ZMAT3: variants seen among roughly 807,000 people sequenced by gnomAD.
ZMAT3 encodes the protein zinc finger matrin-type protein 3.
In ZMAT3, 17 loss-of-function variants were observed where a neutral mutation model predicts 32.3. That is an observed-to-expected ratio of 0.53 (90% CI 0.36 to 0.79). The LOEUF is 0.79. Among genes scored for constraint, ZMAT3 ranks in the 30% least tolerant of loss-of-function variants. The pLI, the probability that ZMAT3 is intolerant of heterozygous loss-of-function variation, is 0.00. For missense variants in ZMAT3, 329 were observed against 359.7 expected (o/e 0.91, Z 0.69); for synonymous variants, 120 against 133.1 (o/e 0.90, Z 0.68).
At position 179,021,009 on chromosome 3, in the gene ZMAT3, T is replaced by C. The variant is rs969390287; in HGVS notation, c.*4008A>G. 3 of 152,236 alleles carry C rather than the reference T, an allele frequency of 2.0e-5. No homozygotes were observed. Among genetic ancestry groups the C allele is most frequent in the African/African-American group, 7.2e-5 (3 of 41,464 alleles). 9.4% of individuals were successfully genotyped at this position (152,236 alleles called of 1,614,324 possible). A position where few individuals can be genotyped will look rare whatever the true frequency, so the allele number is the denominator to read the frequency against. ...TTAAGTCAGGGGAATGTAAGGATGA[T>C]GTCAAATAGCCACGATTCTTCTTTT... On this transcript the variant is annotated 3_prime_UTR_variant, in exon 6 of 6. Coordinates refer to ENST00000311417, the MANE Select transcript of ZMAT3 (RefSeq NM_022470.4).
At chr3:179,068,040 G>T (rs542716521) in intron 1 of ZMAT3, among the ~76,000 whole-genome samples, 1 of 152,150 alleles carries the variant, frequency 6.6e-6, no homozygotes, top group African/African-American at 2.4e-5. Flanking sequence ...ATTTTGCTTG[G>T]CACAGTTCCA....
At chr3:179,031,430 C>G (rs893143941) in intron 2 of ZMAT3, among the ~76,000 whole-genome samples, 1 of 151,794 alleles carries the variant, frequency 6.6e-6, no homozygotes, top group Non-Finnish European at 1.5e-5. Context: ...ACAATACTAA[C>G]TACATTTTAT....
chr3:179,045,689 G>C (rs1720195176), intron 2 of ZMAT3, among the ~76,000 whole-genome samples: 1 of 152,160 alleles, frequency 6.6e-6, no homozygotes, highest in Admixed American at 6.5e-5. Flanking sequence ...TAGGGGCATA[G>C]GATAGGGATA....
intron 2 of ZMAT3, among the ~76,000 whole-genome samples, chr3:179,031,799 C>T (rs773966868): frequency 6.6e-6 from 1 of 151,650 alleles, no homozygotes; most frequent in Non-Finnish European, 1.5e-5. Context: ...CCCAGCTACT[C>T]GGGAGGCTGA....
At chr3:179,025,902 A>G (rs1718841041) in intron 5 of ZMAT3, among the ~76,000 whole-genome samples, 1 of 152,128 alleles carries the variant, frequency 6.6e-6, no homozygotes, top group East Asian at 1.9e-4. Flanking sequence ...TGATCATTTC[A>G]TTTTCTTCTT....
At chr3:179,033,652 ACT>A (rs1183918767) in intron 2 of ZMAT3, among the ~76,000 whole-genome samples, 1 of 152,124 alleles carries the variant, frequency 6.6e-6, no homozygotes, top group African/African-American at 2.4e-5. Context: ...ATTTCATGAC[ACT>A]CTGATCTAAT....
intron 2 of ZMAT3, among the ~76,000 whole-genome samples, chr3:179,059,542 T>C (rs1721042347): frequency 6.6e-6 from 1 of 152,194 alleles, no homozygotes; most frequent in East Asian, 1.9e-4. Flanking sequence ...TCAATCCCTG[T>C]ATCTTTAACC....
rs145863563 is a variant in ZMAT3 at position 179,038,102 on chromosome 3, A to G, written c.271-7103T>C. 3.8e-3 allele frequency among the ~76,000 whole-genome samples: 579 copies of G among 152,334 alleles called. 10 individuals are homozygous for G. The East Asian group carries it at 0.055, about 14-fold the overall frequency. On this transcript the variant is annotated intron_variant, in intron 2 of 5. Transcript: ENST00000311417. The stretch of plus-strand genomic sequence containing the variant: ...ATACATGTCAGCTAAAAGCTGAAGC[A>G]TGAGATGGCTCCAGCCATGCAATGT...
At position 179,040,901 on chromosome 3, in the gene ZMAT3, C is replaced by CA. The variant is rs55945452; in HGVS notation, c.271-9903dup. Among the ~76,000 whole-genome samples the CA allele has an allele frequency of 2.5e-3, 333 of 131,582 alleles. 2 individuals are homozygous for CA. The highest frequency in any genetic ancestry group is 6.3e-3 in the African/African-American group (226 of 35,918). The allele number at this position is 131,582 out of a possible 152,430, so 86.3% of individuals were successfully genotyped here. ...GAAGATCTACCAAGCAAATGGAAAGCAAAAAAAAAAAAAAAGCAGGGGTAA... is the reference window on the plus strand; with the variant it reads ...GAAGATCTACCAAGCAAATGGAAAGCAAAAAAAAAAAAAAAAGCAGGGGTAA... On this transcript the variant is annotated intron_variant, in intron 2 of 5. Coordinates refer to ENST00000311417, the MANE Select transcript of ZMAT3 (RefSeq NM_022470.4).
At chr3:179,051,189 G>T (rs1720536814) in intron 2 of ZMAT3, among the ~76,000 whole-genome samples, 1 of 152,186 alleles carries the variant, frequency 6.6e-6, no homozygotes, top group African/African-American at 2.4e-5. Context: ...TAAAGAGGAA[G>T]TCAAACTGTC....
At chr3:179,055,586 G>A (rs1009100511) in intron 2 of ZMAT3, among the ~76,000 whole-genome samples, 1 of 150,858 alleles carries the variant, frequency 6.6e-6, no homozygotes, top group Non-Finnish European at 1.5e-5. Flanking sequence ...AATATTCCCC[G>A]ATTATGCCCC....
chr3:179,044,175 G>C (rs571572805), intron 2 of ZMAT3, among the ~76,000 whole-genome samples: 10 of 152,112 alleles, frequency 6.6e-5, no homozygotes, highest in African/African-American at 2.4e-4. Context: ...AATCCCTTAA[G>C]GATCTAGAAC....
rs1718494746 is a variant in ZMAT3, at chr3:179,020,588, A to G, written c.*4429T>C. On this transcript the variant is annotated 3_prime_UTR_variant, in exon 6 of 6. Coordinates refer to ENST00000311417, the MANE Select transcript of ZMAT3 (RefSeq NM_022470.4). ...AAACTTTTATCTGTCCTGACAAAACATGTCTCAATTTCTTTCTAAAGCAGC... is the reference window on the plus strand; with the variant it reads ...AAACTTTTATCTGTCCTGACAAAACGTGTCTCAATTTCTTTCTAAAGCAGC... 6.6e-6 allele frequency: 1 copy of G among 152,228 alleles called. No homozygotes were observed. The highest frequency in any genetic ancestry group is 2.4e-5 in the African/African-American group (1 of 41,464). The allele number at this position is 152,228 out of a possible 1,614,324, so 9.4% of individuals were successfully genotyped here.
intron 2 of ZMAT3, among the ~76,000 whole-genome samples, chr3:179,067,251 C>A (rs1201431485): frequency 6.6e-6 from 1 of 152,146 alleles, no homozygotes; most frequent in African/African-American, 2.4e-5. Context: ...GACTGGTAAG[C>A]TATCGCATGC....
intron 2 of ZMAT3, among the ~76,000 whole-genome samples, chr3:179,041,495 C>T (rs935528835): frequency 2.6e-5 from 4 of 152,056 alleles, no homozygotes; most frequent in East Asian, 1.9e-4. Context: ...GGGTAAATAA[C>T]GAAATGAAGG....
intron 2 of ZMAT3, among the ~76,000 whole-genome samples, chr3:179,054,237 G>C (rs1349271951): frequency 6.6e-6 from 1 of 152,142 alleles, no homozygotes; most frequent in East Asian, 1.9e-4. Flanking sequence ...CAGGTACCAG[G>C]AACTATTCTA....
At chr3:179,063,013 G>C (rs1270493575) in intron 2 of ZMAT3, among the ~76,000 whole-genome samples, 1 of 152,168 alleles carries the variant, frequency 6.6e-6, no homozygotes, top group Non-Finnish European at 1.5e-5. Context: ...ATCCTGCAGA[G>C]GAAGTACAAT....
chr3:179,053,691 A>G (rs1263921121), intron 2 of ZMAT3, among the ~76,000 whole-genome samples: 2 of 152,236 alleles, frequency 1.3e-5, no homozygotes, highest in Non-Finnish European at 2.9e-5. Flanking sequence ...CACTAGGAAG[A>G]ACACAGTATC....
intron 2 of ZMAT3, among the ~76,000 whole-genome samples, chr3:179,045,476 T>C (rs950106577): frequency 5.9e-5 from 9 of 152,210 alleles, no homozygotes; most frequent in Middle Eastern, 3.4e-3. Flanking sequence ...GGGCCATGCA[T>C]GGAAACATGA....
Sources: allele counts gnomAD v4.1 joint callset (sites outside exome capture counted in the v4.1 genomes callset), GRCh38; gene constraint gnomAD v4.1.1; transcripts MANE v1.5; gene names NCBI Gene and HGNC (gene_info 2026-07-23, HGNC 2026-07-21).